Variants in ZDHHC6 observed in about 807,000 individuals in gnomAD.
The protein encoded by ZDHHC6 is zDHHC palmitoyltransferase 6.
A neutral mutation model predicts 57.8 loss-of-function variants in ZDHHC6; 32 were observed. The observed-to-expected ratio is 0.55, with a 90% CI of 0.42 to 0.74. ZDHHC6 has a LOEUF of 0.74. Among genes scored for constraint, ZDHHC6 ranks in the 30% least tolerant of loss-of-function variants. ZDHHC6 has a pLI of 0.00. For missense variants in ZDHHC6, 433 were observed against 500.7 expected (o/e 0.86, Z 1.29); for synonymous variants, 128 against 158.0 (o/e 0.81, Z 1.42).
exon 12 of ZDHHC6, chr10:112,424,792 C>A (rs1303792318): frequency 6.6e-6 from 1 of 152,208 alleles, no homozygotes; most frequent in Non-Finnish European, 1.5e-5. Context: ...CTGCAAATGA[C>A]CTTTGGTGGC....
intron 1 of ZDHHC6, among the ~76,000 whole-genome samples, chr10:112,446,099 T>G (rs974136696): frequency 2.0e-5 from 3 of 152,152 alleles, no homozygotes; most frequent in African/African-American, 7.2e-5. Flanking sequence ...TTTATGAAAT[T>G]CTAAGCTGCC....
upstream of ZDHHC6, chr10:112,447,173 A>G (rs1846857778): frequency 5.5e-6 from 3 of 547,098 alleles, no homozygotes; most frequent in East Asian, 8.5e-5. Context: ...CGGAAAATAA[A>G]GCACGCACGC....
At chr10:112,445,738 C>T (rs1188741101) in intron 1 of ZDHHC6, 88 bp from the exon 2 acceptor site, 1 of 473,930 alleles carries the variant, frequency 2.1e-6, no homozygotes, top group African/African-American at 1.9e-5. Flanking sequence ...ACAATAAACA[C>T]CTACACAACA....
intron 2 of ZDHHC6, among the ~76,000 whole-genome samples, chr10:112,444,016 A>C (rs1846401669): frequency 6.6e-6 from 1 of 152,136 alleles, no homozygotes; most frequent in Non-Finnish European, 1.5e-5. Context: ...TTCTTGGGCC[A>C]TTTTAATCAC....
intron 10 of ZDHHC6, among the ~76,000 whole-genome samples, chr10:112,431,889 G>C (rs1048363224): frequency 3.3e-5 from 5 of 152,154 alleles, no homozygotes; most frequent in African/African-American, 1.2e-4. Context: ...TGTTTTCAGT[G>C]CATAGCTATG....
chr10:112,434,332 G>A lies in ZDHHC6; in HGVS notation c.868C>T (p.Pro290Ser), dbSNP rs1845313551. ...TATTGGTGACAGCCTTCTCTTACTG[G>A]CCACTCAAGTCCATCTCCTTCAGGG... is the stretch of plus-strand genomic sequence containing the variant. The part of the protein sequence containing the change: ...GVPEGDGLEW[P>S]VREGCHQYSL... Residue 290 changes from proline to serine, a missense_variant, in exon 7 of 11, where the codon CCA (proline) becomes TCA (serine). Pro to Ser is a moderately conservative substitution (Grantham distance 74). Coordinates refer to ENST00000369405, the MANE Select transcript of ZDHHC6 (RefSeq NM_022494.3). 6.2e-7 allele frequency: 1 copy of A among 1,613,040 alleles called. No individual in the cohort carries two copies.
chr10:112,426,973 C>A, downstream of ZDHHC6: 1 of 1,023,320 alleles, frequency 9.8e-7, no homozygotes, highest in East Asian at 2.5e-5. Flanking sequence ...AGATTTTGTG[C>A]CATTAACTAC....
At chr10:112,443,637 C>T in intron 2 of ZDHHC6, 31 bp from the exon 3 acceptor site, 1 of 1,539,542 alleles carries the variant, frequency 6.5e-7, no homozygotes, top group Non-Finnish European at 9.0e-7. Flanking sequence ...AAAAATGCAT[C>T]ATCGGATACT....
downstream of ZDHHC6, chr10:112,426,412 A>G (rs1019709269): frequency 1.4e-6 from 2 of 1,465,922 alleles, no homozygotes; most frequent in Non-Finnish European, 1.9e-6. Context: ...ATCGTGGAGG[A>G]GAGGATGCCT....
exon 12 of ZDHHC6, chr10:112,424,611 A>C (rs1468641267): frequency 6.6e-6 from 1 of 152,234 alleles, no homozygotes; most frequent in Non-Finnish European, 1.5e-5. Flanking sequence ...CGTTAGGCTG[A>C]ATTGATGGCT....
intron 4 of ZDHHC6, 60 bp downstream of exon 4, chr10:112,442,132 T>C: frequency 2.0e-6 from 3 of 1,480,532 alleles, no homozygotes; most frequent in Non-Finnish European, 1.8e-6. Context: ...TAAATGTTGA[T>C]AACTACCATT....
intron 4 of ZDHHC6, among the ~76,000 whole-genome samples, chr10:112,441,053 C>G (rs1846071756): frequency 6.6e-6 from 1 of 152,108 alleles, no homozygotes; most frequent in South Asian, 2.1e-4. Flanking sequence ...ACCAGATTGG[C>G]CAGGCTGGTC....
intron 5 of ZDHHC6, among the ~76,000 whole-genome samples, chr10:112,439,496 T>G (rs886619764): frequency 6.6e-6 from 1 of 151,358 alleles, no homozygotes; most frequent in Admixed American, 6.6e-5. Flanking sequence ...CCGGGTGTGG[T>G]GGCAGGTACC....
chr10:112,447,481 C>T, upstream of ZDHHC6: 1 of 1,612,262 alleles, frequency 6.2e-7, no homozygotes, highest in Non-Finnish European at 8.5e-7. Context: ...AGAGCCTTGC[C>T]CGGCTGGACG....
intron 1 of ZDHHC6, among the ~76,000 whole-genome samples, chr10:112,446,023 TGA>T (rs1271123730): frequency 6.6e-6 from 1 of 152,202 alleles, no homozygotes; most frequent in Non-Finnish European, 1.5e-5. Context: ...TTAGAGAGGC[TGA>T]GTGATTAGAC....
chr10:112,425,374 A>T, downstream of ZDHHC6: 1 of 1,613,498 alleles, frequency 6.2e-7, no homozygotes, highest in Non-Finnish European at 8.5e-7. Context: ...TAAAAAGAAC[A>T]TTTTCAAGCT....
At chr10:112,424,496 C>T (rs889392685) in exon 12 of ZDHHC6, 1 of 152,162 alleles carries the variant, frequency 6.6e-6, no homozygotes, top group South Asian at 2.1e-4. Flanking sequence ...TGTCTAGTAA[C>T]AGAATTAAAT....
chr10:112,426,910 T>C (rs768185369), downstream of ZDHHC6: 46 of 1,440,938 alleles, frequency 3.2e-5, no homozygotes, highest in East Asian at 1.0e-3. Flanking sequence ...AAGTTTTGTT[T>C]AAAGTTTCCA....
chr10:112,431,170 G>A (rs1044362791), intron 10 of ZDHHC6, among the ~76,000 whole-genome samples: 4 of 152,184 alleles, frequency 2.6e-5, no homozygotes, highest in African/African-American at 4.8e-5. Flanking sequence ...ACTAGAGTCA[G>A]GGGGAACTCG....
Sources: allele counts gnomAD v4.1 joint callset (sites outside exome capture counted in the v4.1 genomes callset), GRCh38; gene constraint gnomAD v4.1.1; transcripts MANE v1.5; gene names NCBI Gene and HGNC (gene_info 2026-07-23, HGNC 2026-07-21).